PPFIA2: variants seen among roughly 807,000 people sequenced by gnomAD.
PPFIA2 encodes PPFI scaffold protein A2, also known as liprin-alpha-2.
In PPFIA2, 46 loss-of-function variants were observed where a neutral mutation model predicts 175.5. The observed-to-expected ratio is 0.26, with a 90% CI of 0.21 to 0.34. PPFIA2 has a LOEUF of 0.34. PPFIA2 is among the 10% of genes least tolerant of loss of function. The pLI is 1.00. For synonymous variants in PPFIA2, 568 were observed against 511.4 expected (o/e 1.11, Z -1.49); for missense variants, 1,179 against 1,506.1 (o/e 0.78, Z 3.60).
chr12:81,496,011 T>C (rs1191601770), intron 4 of PPFIA2, among the ~76,000 whole-genome samples: 1 of 152,188 alleles, frequency 6.6e-6, no homozygotes, highest in South Asian at 2.1e-4. Flanking sequence ...AGAAGTGATA[T>C]TATGACTTAA....
intron 3 of PPFIA2, among the ~76,000 whole-genome samples, chr12:81,716,291 G>T (rs1435986339): frequency 6.6e-6 from 1 of 151,602 alleles, no homozygotes; most frequent in African/African-American, 2.4e-5. Context: ...ACAAAGAGCT[G>T]GATCAGCAAA....
intron 4 of PPFIA2, among the ~76,000 whole-genome samples, chr12:81,584,434 G>A (rs1687645581): frequency 6.6e-6 from 1 of 151,750 alleles, no homozygotes; most frequent in African/African-American, 2.4e-5. Flanking sequence ...TAACCTCAGA[G>A]CTGGATCATC....
At chr12:81,451,414 G>A (rs1026299033) in intron 5 of PPFIA2, among the ~76,000 whole-genome samples, 1 of 152,124 alleles carries the variant, frequency 6.6e-6, no homozygotes, top group Non-Finnish European at 1.5e-5. Flanking sequence ...TGACGGGGCA[G>A]AGAGGAACCA....
intron 8 of PPFIA2, among the ~76,000 whole-genome samples, chr12:81,393,493 T>A (rs537286142): frequency 2.0e-5 from 3 of 152,178 alleles, no homozygotes; most frequent in Middle Eastern, 6.8e-3. Context: ...GAAGAATATT[T>A]AATAGAACCC....
At chr12:81,328,416 C>T (rs2055311244) in intron 21 of PPFIA2, among the ~76,000 whole-genome samples, 2 of 152,064 alleles carry the variant, frequency 1.3e-5, no homozygotes, top group Admixed American at 6.6e-5. Flanking sequence ...GTTTTGAAAA[C>T]GTGGTAGAAA....
chr12:81,513,494 C>A lies in PPFIA2; in HGVS notation c.304-55628G>T, dbSNP rs564623703. Among the ~76,000 whole-genome samples the A allele has an allele frequency of 2.6e-5, 4 of 151,996 alleles. No homozygotes were observed. The South Asian group carries it at 6.2e-4, about 24-fold the overall frequency. The stretch of plus-strand genomic sequence containing the variant: ...AATTCACAATTGCAAAGATATGGAA[C>A]CAACCTAAGTTCCCATCAACCCAGT... On this transcript the variant is annotated intron_variant, in intron 4 of 32. Coordinates refer to ENST00000549396, the MANE Select transcript of PPFIA2 (RefSeq NM_003625.5).
intron 3 of PPFIA2, among the ~76,000 whole-genome samples, chr12:81,690,324 G>A (rs1040788436): frequency 6.6e-6 from 1 of 152,044 alleles, no homozygotes; most frequent in Non-Finnish European, 1.5e-5. Context: ...TGAAAATATT[G>A]TAAAACAGAT....
intron 22 of PPFIA2, among the ~76,000 whole-genome samples, chr12:81,306,091 T>G (rs1407570656): frequency 1.3e-5 from 2 of 152,182 alleles, no homozygotes; most frequent in African/African-American, 4.8e-5. Flanking sequence ...CACCTTCTAT[T>G]TGATGCCTGT....
At chr12:81,566,376 C>G (rs1467296026) in intron 4 of PPFIA2, among the ~76,000 whole-genome samples, 1 of 151,516 alleles carries the variant, frequency 6.6e-6, no homozygotes, top group Non-Finnish European at 1.5e-5. Context: ...ATACAAAAAT[C>G]AGCTAGGCTT....
chr12:81,333,685 T>G (rs1438076562), intron 21 of PPFIA2, among the ~76,000 whole-genome samples: 1 of 152,182 alleles, frequency 6.6e-6, no homozygotes, highest in African/African-American at 2.4e-5. Flanking sequence ...AGAATTTAGA[T>G]CCCACTTACA....
At chr12:81,299,987 G>T (rs1214200980) in intron 22 of PPFIA2, among the ~76,000 whole-genome samples, 1 of 152,074 alleles carries the variant, frequency 6.6e-6, no homozygotes, top group African/African-American at 2.4e-5. Context: ...GCAATGTAAG[G>T]TATCAAATTC....
chr12:81,262,377 A>G (rs779395775), intron 31 of PPFIA2, among the ~76,000 whole-genome samples: 5 of 152,172 alleles, frequency 3.3e-5, no homozygotes, highest in Non-Finnish European at 7.3e-5. Flanking sequence ...AGTATTGAAG[A>G]ACTTCTACAC....
intron 28 of PPFIA2, among the ~76,000 whole-genome samples, chr12:81,268,531 T>C (rs2038119132): frequency 6.6e-6 from 1 of 152,230 alleles, no homozygotes; most frequent in South Asian, 2.1e-4. Context: ...CTAATCCATC[T>C]GGCTCCCTTC....
chr12:81,491,693 C>T (rs1448531227), intron 4 of PPFIA2, among the ~76,000 whole-genome samples: 2 of 151,960 alleles, frequency 1.3e-5, no homozygotes, highest in East Asian at 3.9e-4. Context: ...AACTTCTCAA[C>T]CTCCAGAATT....
intron 4 of PPFIA2, among the ~76,000 whole-genome samples, chr12:81,489,354 C>T (rs756350452): frequency 1.5e-4 from 22 of 151,402 alleles, no homozygotes; most frequent in Non-Finnish European, 3.0e-4. Context: ...TGGAAGGAAC[C>T]GTAAAACTCA....
At chr12:81,593,414 C>A (rs183206439) in intron 4 of PPFIA2, among the ~76,000 whole-genome samples, 1 of 152,100 alleles carries the variant, frequency 6.6e-6, no homozygotes, top group Non-Finnish European at 1.5e-5. Flanking sequence ...TAAATAGTTA[C>A]GTCTCACTAA....
chr12:81,594,137 A>T (rs2058991549), intron 4 of PPFIA2, among the ~76,000 whole-genome samples: 1 of 152,030 alleles, frequency 6.6e-6, no homozygotes, highest in African/African-American at 2.4e-5. Flanking sequence ...CTAAGATGGA[A>T]CATCTTAGAT....
chr12:81,379,991 T>A (rs543192509), intron 9 of PPFIA2, among the ~76,000 whole-genome samples: 1 of 152,172 alleles, frequency 6.6e-6, no homozygotes, highest in Non-Finnish European at 1.5e-5. Flanking sequence ...TATTACAACA[T>A]ACATTTATTA....
chr12:81,344,855 C>A, intron 18 of PPFIA2, 162 bp from the exon 19 acceptor site: 3 of 521,350 alleles, frequency 5.8e-6, no homozygotes, highest in South Asian at 2.9e-5. Flanking sequence ...AAAAGCACTC[C>A]GCCTGGTAGT....
Sources: allele counts gnomAD v4.1 joint callset (sites outside exome capture counted in the v4.1 genomes callset), GRCh38; gene constraint gnomAD v4.1.1; transcripts MANE v1.5; gene names NCBI Gene and HGNC (gene_info 2026-07-23, HGNC 2026-07-21).